Variants in LAMC1 observed in about 807,000 individuals in gnomAD.
LAMC1 encodes laminin subunit gamma-1.
Under a neutral mutation model 173.6 loss-of-function variants are expected in LAMC1, and 38 were observed. The ratio of observed to expected loss-of-function variants is 0.22; its 90% CI spans 0.17 to 0.29. The LOEUF (loss-of-function observed/expected upper bound fraction) is 0.29. LAMC1 is among the 10% of genes least tolerant of loss of function. The probability of loss-of-function intolerance (pLI) is 1.00; values close to 1 mark genes in which losing one functional copy is unlikely to be tolerated. For missense variants in LAMC1, 1,824 were observed against 2,051.8 expected (o/e 0.89, Z 2.14); for synonymous variants, 746 against 749.1 (o/e 1.00, Z 0.07).
Position 183,115,275 on chromosome 1 carries a change from C to T in LAMC1, c.1211-245C>T, listed in dbSNP as rs191012062. 2.5e-4 allele frequency among the ~76,000 whole-genome samples: 38 copies of T among 152,236 alleles called. No individual in the cohort carries two copies. In the East Asian group the frequency reaches 2.5e-3, roughly 10 times the overall value. ...GTTTCATTGGGTACAAAGTGATTTTCAACATTGATGAGTAAATTCATCTTA... is the reference window on the plus strand; with the variant it reads ...GTTTCATTGGGTACAAAGTGATTTTTAACATTGATGAGTAAATTCATCTTA... On this transcript the variant is annotated intron_variant, in intron 5 of 27. Coordinates refer to ENST00000258341, the MANE Select transcript of LAMC1 (RefSeq NM_002293.4).
intron 4 of LAMC1, among the ~76,000 whole-genome samples, chr1:183,112,954 T>G (rs541910750): frequency 6.6e-6 from 1 of 151,946 alleles, no homozygotes; most frequent in South Asian, 2.1e-4. Flanking sequence ...GAGGCCAAGG[T>G]GGGAGACTCA....
chr1:183,143,031 ACTTTCC>A lies in LAMC1; in HGVS notation c.*245_*250del. On this transcript the variant is annotated 3_prime_UTR_variant, in exon 28 of 28. Transcript: ENST00000258341. ...CCATTCACGTTGCTACCTTACCCAC[ACTTTCC>A]CTTCTGATTTGCGTGAGGACGTGGC... 1 of 444,088 alleles carries A rather than the reference ACTTTCC, an allele frequency of 2.3e-6. No individual in the cohort carries two copies. Among genetic ancestry groups the A allele is most frequent in the Non-Finnish European group, 4.1e-6 (1 of 246,422 alleles). 27.5% of individuals were successfully genotyped at this position (444,088 alleles called of 1,614,324 possible).
chr1:183,118,255 A>G (rs544304133), intron 11 of LAMC1, 109 bp downstream of exon 11: 10 of 607,646 alleles, frequency 1.6e-5, no homozygotes, highest in Admixed American at 1.6e-4. Flanking sequence ...TGAGAAGTGT[A>G]TAACAACTCA....
intron 1 of LAMC1, among the ~76,000 whole-genome samples, chr1:183,048,660 G>C (rs1654331390): frequency 6.6e-6 from 1 of 152,120 alleles, no homozygotes; most frequent in Non-Finnish European, 1.5e-5. Context: ...CCACTTGTAA[G>C]TTATATATGT....
In LAMC1 at chr1:183,136,543, C is replaced by A. The variant is rs949412756; in HGVS notation, c.4272C>A (p.Asn1424Lys). Residue 1424 changes from asparagine to lysine, a missense_variant, in exon 25 of 28, where the codon AAC becomes AAA. By Grantham distance (94) the Asn-to-Lys change is moderately conservative. Coordinates refer to ENST00000258341, the MANE Select transcript of LAMC1 (RefSeq NM_002293.4). ...CGGCGGATGCCACAGAGGCCAAGAA[C>A]AAGGCCCATGAGGCGGAGAGGATCG... ...SAAADATEAK[N>K]KAHEAERIAS... 3 of 1,613,530 alleles carry A rather than the reference C, an allele frequency of 1.9e-6. No homozygotes were observed. In the African/African-American group the frequency reaches 4.0e-5, roughly 22 times the overall value.
At position 183,142,743 on chromosome 1, in the gene LAMC1, A is replaced by T. The variant is rs1166097824; in HGVS notation, c.4783A>T (p.Thr1595Ser). 1 of 1,613,810 alleles carries T rather than the reference A, an allele frequency of 6.2e-7. No homozygotes were observed. Among genetic ancestry groups the T allele is most frequent in the African/African-American group, 1.3e-5 (1 of 74,888 alleles). The change falls in exon 28 of 28, where the codon ACC becomes TCC. Residue 1595 changes from threonine to serine, a missense_variant. By Grantham distance (58) the Thr-to-Ser change is moderately conservative. Transcript: ENST00000258341. ...DIRNLEDIRK[T>S]LPSGCFNTPS... The stretch of plus-strand genomic sequence containing the variant: ...TCGCAATCTGGAGGACATCAGGAAG[A>T]CCTTACCATCTGGCTGCTTCAACAC...
chr1:183,028,455 G>T (rs74129638), intron 1 of LAMC1, among the ~76,000 whole-genome samples: 5 of 152,070 alleles, frequency 3.3e-5, no homozygotes, highest in African/African-American at 9.7e-5. Context: ...TAAATCAAGG[G>T]TGTCTATATA....
In LAMC1 at chr1:183,132,472, C is replaced by T; in HGVS notation, c.3639C>T (p.Asn1213=). ...ATGATACGTCAACTGAGGCATACAA[C>T]CTGCTTCTGAGGACACTGGCAGGAG... is the stretch of plus-strand genomic sequence containing the variant. ...TANDTSTEAY[N]LLLRTLAGEN... The change falls in exon 21 of 28, where the codon AAC becomes AAT. Residue 1213 remains asparagine (N), a synonymous_variant. Transcript: ENST00000258341. 1 of 1,613,452 alleles carries T rather than the reference C, an allele frequency of 6.2e-7. No individual in the cohort carries two copies. Among genetic ancestry groups the T allele is most frequent in the Non-Finnish European group, 8.5e-7 (1 of 1,179,456 alleles).
rs938343128 is a variant in LAMC1 at position 183,117,778 on chromosome 1, C to T, written c.1877+55C>T. 1.7e-5 allele frequency: 25 copies of T among 1,490,604 alleles called. 1 individual carries two copies. The highest frequency in any genetic ancestry group is 2.1e-5 in the Non-Finnish European group (23 of 1,080,532). The allele number at this position is 1,490,604 out of a possible 1,614,324, so 92.3% of individuals were successfully genotyped here. A position where few individuals can be genotyped will look rare whatever the true frequency, so the allele number is the denominator to read the frequency against. ...TTGACGAACATTGTGAAAGTGGTGT[C>T]TTTATTTAAGTTTAACTGGCCTCTA... On this transcript the variant is annotated intron_variant, in intron 10 of 27. Coordinates refer to ENST00000258341, the MANE Select transcript of LAMC1 (RefSeq NM_002293.4).
intron 1 of LAMC1, among the ~76,000 whole-genome samples, chr1:183,029,749 T>A (rs1238552123): frequency 6.6e-6 from 1 of 152,218 alleles, no homozygotes; most frequent in Admixed American, 6.5e-5. Flanking sequence ...ACTTGTCTGT[T>A]TCTACCTTTA....
Position 183,136,405 on chromosome 1 carries a change from CGATAACAAGACGGCCGCA to C in LAMC1, c.4137_4154del (p.Asp1379_Ala1384del). 6.2e-7 allele frequency: 1 copy of C among 1,614,084 alleles called. No individual in the cohort carries two copies. Among genetic ancestry groups the C allele is most frequent in the South Asian group, 1.1e-5 (1 of 91,076 alleles). ...TTTCAGATTTTGATAGGCGTGTGAA[CGATAACAAGACGGCCGCA>C]GAGGAGGCACTAAGGAAGATTCCTG... is the stretch of plus-strand genomic sequence containing the variant. On this transcript the variant is annotated inframe_deletion, in exon 25 of 28. Coordinates refer to ENST00000258341, the MANE Select transcript of LAMC1 (RefSeq NM_002293.4).
chr1:183,104,825 G>C (rs951678714), intron 2 of LAMC1, among the ~76,000 whole-genome samples: 1 of 152,174 alleles, frequency 6.6e-6, no homozygotes, highest in African/African-American at 2.4e-5. Flanking sequence ...CAATGAGTGT[G>C]CTTGCCAACA....
intron 10 of LAMC1, 61 bp downstream of exon 10, chr1:183,117,784 T>G: frequency 6.8e-7 from 1 of 1,472,526 alleles, no homozygotes; most frequent in Non-Finnish European, 9.4e-7. Context: ...GTGTCTTTAT[T>G]TAAGTTTAAC....
At chr1:183,111,081 AT>A (rs112774901) in intron 4 of LAMC1, among the ~76,000 whole-genome samples, 3,122 of 148,206 alleles carry the variant, frequency 0.021, 58 homozygotes, top group South Asian at 0.081. Context: ...TTCCAAGATT[AT>A]TTCTTTTTTC....
At chr1:183,053,520 T>A (rs1006057530) in intron 1 of LAMC1, among the ~76,000 whole-genome samples, 2 of 152,206 alleles carry the variant, frequency 1.3e-5, no homozygotes, top group African/African-American at 2.4e-5. Flanking sequence ...TCATCAGCTC[T>A]CCTGAGAGAA....
chr1:183,030,233 A>T (rs1653814500), intron 1 of LAMC1, among the ~76,000 whole-genome samples: 1 of 152,214 alleles, frequency 6.6e-6, no homozygotes, highest in African/African-American at 2.4e-5. Flanking sequence ...CATATGTCCC[A>T]GCCCACAAAG....
rs1182521252 is a variant in LAMC1 at position 183,023,697 on chromosome 1, C to T, written c.-20C>T. ...GCCGGTGCCCTTGCCTTCGCCGTGA[C>T]CCAGCGTGCGGGCGGCGGGATGAGA... On this transcript the variant is annotated 5_prime_UTR_variant, in exon 1 of 28. Transcript: ENST00000258341. 6.0e-6 allele frequency: 7 copies of T among 1,171,356 alleles called. No homozygotes were observed. In the South Asian group the frequency reaches 1.7e-4, roughly 28 times the overall value. The allele number at this position is 1,171,356 out of a possible 1,614,324, so 72.6% of individuals were successfully genotyped here.
At chr1:183,098,734 C>T (rs1235435644) in intron 1 of LAMC1, among the ~76,000 whole-genome samples, 1 of 152,194 alleles carries the variant, frequency 6.6e-6, no homozygotes, top group Admixed American at 6.5e-5. Flanking sequence ...CAGTAGAACT[C>T]GAATTTTAAC....
At chr1:183,054,705 A>G (rs534460945) in intron 1 of LAMC1, among the ~76,000 whole-genome samples, 19 of 152,268 alleles carry the variant, frequency 1.2e-4, no homozygotes, top group Admixed American at 8.5e-4. Context: ...TTTAGTGTCT[A>G]CTTTATGCTA....
Sources: gnomAD v4.1 joint callset for allele counts (sites outside exome capture counted in the v4.1 genomes callset) on GRCh38, gnomAD v4.1.1 for gene constraint, MANE v1.5 for transcripts, NCBI Gene and HGNC (gene_info 2026-07-23, HGNC 2026-07-21) for gene names.